The following INPP4B variants were observed in gnomAD, a reference collection of about 807,000 sequenced individuals.
INPP4B encodes inositol polyphosphate-4-phosphatase type II B.
INPP4B carries 55 observed loss-of-function variants against 122.5 expected under a neutral mutation model. The ratio of observed to expected loss-of-function variants is 0.45; its 90% confidence interval spans 0.36 to 0.56. The LOEUF is 0.56. Ranked by LOEUF, INPP4B falls within the 20% of genes least tolerant of loss-of-function variation. The pLI, the probability that INPP4B is intolerant of heterozygous loss-of-function variation, is 0.00. For synonymous variants in INPP4B, 403 were observed against 388.7 expected (o/e 1.04, Z -0.43); for missense variants, 1,000 against 1,097.7 (o/e 0.91, Z 1.26).
chr4:142,134,385 T>C (rs336408), intron 18 of INPP4B, among the ~76,000 whole-genome samples: 110,732 of 152,088 alleles, frequency 0.73, 41,755 homozygotes, highest in South Asian at 0.83. Context: ...TCATAATTCA[T>C]TGTACAATTT....
chr4:142,088,819 A>G (rs1778072889), intron 23 of INPP4B, among the ~76,000 whole-genome samples: 1 of 152,226 alleles, frequency 6.6e-6, no homozygotes, highest in Non-Finnish European at 1.5e-5. Context: ...CTTACGATAT[A>G]AAGACCCGAA....
At chr4:142,615,109 T>A (rs1743414702) in intron 2 of INPP4B, among the ~76,000 whole-genome samples, 1 of 152,164 alleles carries the variant, frequency 6.6e-6, no homozygotes, top group Non-Finnish European at 1.5e-5. Flanking sequence ...ATCGCAGCAC[T>A]ATTCATTTTT....
chr4:142,662,742 A>G (rs1755423429), intron 2 of INPP4B, among the ~76,000 whole-genome samples: 2 of 152,196 alleles, frequency 1.3e-5, no homozygotes, highest in East Asian at 1.9e-4. Flanking sequence ...TTCATGTTGG[A>G]CTCAAAGAAG....
chr4:142,476,838 C>G (rs1302024211), intron 2 of INPP4B, among the ~76,000 whole-genome samples: 1 of 152,104 alleles, frequency 6.6e-6, no homozygotes, highest in African/African-American at 2.4e-5. Context: ...GAGTCTTAGA[C>G]AACCACACAA....
At chr4:142,578,105 C>T (rs1405317375) in intron 2 of INPP4B, among the ~76,000 whole-genome samples, 2 of 151,894 alleles carry the variant, frequency 1.3e-5, no homozygotes, top group Non-Finnish European at 2.9e-5. Flanking sequence ...TGGGAGCCTT[C>T]TGAGAAGTTT....
chr4:142,562,837 G>C (rs1423624711), intron 2 of INPP4B, among the ~76,000 whole-genome samples: 1 of 152,116 alleles, frequency 6.6e-6, no homozygotes, highest in Non-Finnish European at 1.5e-5. Context: ...CAAAATGTTA[G>C]ATATTGCTAT....
chr4:142,599,828 A>T (rs370127765), intron 2 of INPP4B, among the ~76,000 whole-genome samples: 31 of 152,092 alleles, frequency 2.0e-4, no homozygotes, highest in East Asian at 9.7e-4. Context: ...CCAGAGATAT[A>T]TATCTTAAAA....
Position 142,025,692 on chromosome 4 carries a change from A to G in INPP4B, c.*3090T>C, listed in dbSNP as rs559343605. The G allele has an allele frequency of 5.9e-5, 9 of 152,326 alleles. No individual in the cohort carries two copies. Among genetic ancestry groups the G allele is most frequent in the African/African-American group, 1.7e-4 (7 of 41,580 alleles). 9.4% of individuals were successfully genotyped at this position (152,326 alleles called of 1,614,324 possible). ...GAAGGATAAAAAGGAAGTATCCTCCATCCAAATGCTAGCTTTTAAGCCTTC... is the reference window on the plus strand; with the variant it reads ...GAAGGATAAAAAGGAAGTATCCTCCGTCCAAATGCTAGCTTTTAAGCCTTC... On this transcript the variant is annotated 3_prime_UTR_variant, in exon 26 of 26. Coordinates refer to ENST00000262992, the MANE Select transcript of INPP4B (RefSeq NM_001101669.3).
At chr4:142,162,021 C>A (rs1032295695) in intron 16 of INPP4B, among the ~76,000 whole-genome samples, 2 of 151,818 alleles carry the variant, frequency 1.3e-5, no homozygotes, top group African/African-American at 4.8e-5. Context: ...CCTCAACTTT[C>A]CAAGTGTTTT....
chr4:142,619,151 C>A (rs1475796110), intron 2 of INPP4B, among the ~76,000 whole-genome samples: 1 of 151,582 alleles, frequency 6.6e-6, no homozygotes, highest in Non-Finnish European at 1.5e-5. Flanking sequence ...TAAAACAGTG[C>A]AGCTGCTGTA....
chr4:142,204,898 T>C (rs1842046045), intron 14 of INPP4B, among the ~76,000 whole-genome samples: 1 of 152,096 alleles, frequency 6.6e-6, no homozygotes, highest in East Asian at 1.9e-4. Context: ...AGTTTGGCTA[T>C]TTTAGCAACC....
intron 2 of INPP4B, among the ~76,000 whole-genome samples, chr4:142,697,133 T>G (rs1761142878): frequency 6.6e-6 from 1 of 152,204 alleles, no homozygotes; most frequent in Non-Finnish European, 1.5e-5. Context: ...TAAGTTACAT[T>G]GTTATTAAAA....
At chr4:142,207,447 C>G (rs950009525) in intron 14 of INPP4B, among the ~76,000 whole-genome samples, 8 of 152,126 alleles carry the variant, frequency 5.3e-5, no homozygotes, top group Admixed American at 5.2e-4. Flanking sequence ...CTTTCTAAAC[C>G]TGTAACTACT....
chr4:142,263,975 G>C (rs1211233613), intron 10 of INPP4B, among the ~76,000 whole-genome samples: 1 of 151,964 alleles, frequency 6.6e-6, no homozygotes, highest in Non-Finnish European at 1.5e-5. Context: ...AAAAATAGGA[G>C]CTGGGGAGGA....
At chr4:142,427,132 C>T (rs555967281) in intron 5 of INPP4B, 96 of 164,896 alleles carry the variant, frequency 5.8e-4, no homozygotes, top group Non-Finnish European at 1.1e-3. Flanking sequence ...AGTAAAACAT[C>T]CACGGGTTTA....
intron 17 of INPP4B, among the ~76,000 whole-genome samples, chr4:142,149,900 C>G (rs1812874283): frequency 1.3e-5 from 2 of 152,212 alleles, no homozygotes; most frequent in Admixed American, 1.3e-4. Flanking sequence ...GTGCAGATAA[C>G]AAGGAGGAAA....
At chr4:142,523,488 A>G (rs1435721694) in intron 2 of INPP4B, among the ~76,000 whole-genome samples, 1 of 151,996 alleles carries the variant, frequency 6.6e-6, no homozygotes, top group Non-Finnish European at 1.5e-5. Context: ...AAGCTTCCCA[A>G]TCTCAGAATA....
At chr4:142,480,832 AG>A (rs1184018436) in intron 2 of INPP4B, among the ~76,000 whole-genome samples, 1 of 152,186 alleles carries the variant, frequency 6.6e-6, no homozygotes, top group African/African-American at 2.4e-5. Context: ...AGACGAAAGT[AG>A]TTTTGGATGA....
chr4:142,437,116 C>T (rs774056879), intron 3 of INPP4B, among the ~76,000 whole-genome samples: 2 of 151,866 alleles, frequency 1.3e-5, no homozygotes, highest in Non-Finnish European at 2.9e-5. Context: ...GTGAAGCATA[C>T]ACAAGTATCC....
Sources: allele counts gnomAD v4.1 joint callset (sites outside exome capture counted in the v4.1 genomes callset), GRCh38; gene constraint gnomAD v4.1.1; transcripts MANE v1.5; gene names NCBI Gene and HGNC (gene_info 2026-07-23, HGNC 2026-07-21).